The following AP3D1 variants were observed in gnomAD, a reference collection of about 807,000 sequenced individuals.
The protein encoded by AP3D1 is AP-3 complex subunit delta-1.
Under a neutral mutation model 147.6 loss-of-function variants are expected in AP3D1, and 51 were observed. The observed-to-expected ratio is 0.35, with a 90% CI of 0.28 to 0.44. The LOEUF is 0.44. AP3D1 is among the 20% of genes least tolerant of loss of function. The probability of loss-of-function intolerance (pLI) is 1.00; values close to 1 mark genes in which losing one functional copy is unlikely to be tolerated. For synonymous variants in AP3D1, 760 were observed against 663.0 expected, an observed-to-expected ratio of 1.15 and a Z score of -2.25; for missense variants, 1,421 against 1,624.2, an observed-to-expected ratio of 0.87 and a Z score of 2.15.
At position 2,121,721 on chromosome 19, in the gene AP3D1, A is replaced by G; in HGVS notation, c.1101+13T>C. 1 of 1,564,786 alleles carries G rather than the reference A, an allele frequency of 6.4e-7. No homozygotes were observed. Among genetic ancestry groups the G allele is most frequent in the Non-Finnish European group, 8.6e-7 (1 of 1,158,024 alleles). On this transcript the variant is annotated intron_variant, in intron 12 of 31. Coordinates refer to ENST00000643116, the MANE Select transcript of AP3D1 (RefSeq NM_001261826.3). ...AAGGCCAGGCGGGCGGGCGGCGGACAGAGGGCACGCACCATCCCATAGAGC... is the reference window on the plus strand; with the variant it reads ...AAGGCCAGGCGGGCGGGCGGCGGACGGAGGGCACGCACCATCCCATAGAGC...
At chr19:2,149,025 G>A (rs2019436680) in intron 1 of AP3D1, among the ~76,000 whole-genome samples, 2 of 152,080 alleles carry the variant, frequency 1.3e-5, no homozygotes, top group Admixed American at 1.3e-4. Context: ...AACTGTCATT[G>A]AACAGTCATT....
intron 16 of AP3D1, 181 bp downstream of exon 16, chr19:2,117,041 C>A: frequency 1.1e-6 from 1 of 880,392 alleles, no homozygotes; most frequent in Non-Finnish European, 1.7e-6. Flanking sequence ...AGGCAGAAGC[C>A]AGATCCCAGA....
chr19:2,121,323 T>C lies in AP3D1; in HGVS notation c.1102-12A>G, dbSNP rs764405551. On this transcript the variant is annotated splice_polypyrimidine_tract_variant and intron_variant, in intron 12 of 31. Transcript: ENST00000643116. The stretch of plus-strand genomic sequence containing the variant: ...TTCTTCTTGGACACCTGGGCAAAAG[T>C]GTACAGACAGTGGTGAGAGCGGACC... 6.2e-7 allele frequency: 1 copy of C among 1,613,924 alleles called. No homozygotes were observed. The highest frequency in any genetic ancestry group is 1.7e-5 in the Admixed American group (1 of 60,016).
intron 29 of AP3D1, chr19:2,109,524 C>T (rs746146032): frequency 1.4e-4 from 69 of 483,012 alleles, no homozygotes; most frequent in South Asian, 5.0e-4. Context: ...ACGCAGAGGA[C>T]GGCCTGTGAG....
Position 2,116,885 on chromosome 19 carries a change from G to A in AP3D1, c.1860-139C>T, listed in dbSNP as rs548192137. On this transcript the variant is annotated intron_variant, in intron 16 of 31. Transcript: ENST00000643116. ...GGCCTGCCACCCACACAGGGCCAGCGAGGCAGGTGTCACTGCCCCTTAAGA... is the reference window on the plus strand; with the variant it reads ...GGCCTGCCACCCACACAGGGCCAGCAAGGCAGGTGTCACTGCCCCTTAAGA... 24 of 1,189,044 alleles carry A rather than the reference G, an allele frequency of 2.0e-5. No individual in the cohort carries two copies. In the Admixed American group the frequency reaches 4.3e-4, roughly 22 times the overall value. The allele number at this position is 1,189,044 out of a possible 1,614,324, so 73.7% of individuals were successfully genotyped here.
Position 2,112,919 on chromosome 19 carries a change from C to T in AP3D1, c.2728G>A (p.Asp910Asn), listed in dbSNP as rs913034902. ...TCGCCCTGCGCCTCCGTCTTGGCGT[C>T]CTCACACTCGTCCTTCGGGGTAGTG... is the stretch of plus-strand genomic sequence containing the variant. Reference protein sequence around the residue: ...TVTTPKDECEDAKTEAQGEED... With the variant: ...TVTTPKDECENAKTEAQGEED... Residue 910 changes from aspartate to asparagine, a missense_variant, in exon 24 of 32, where the codon GAC becomes AAC. Around this residue, in one of 6 missense-constraint regions of AP3D1, gnomAD observed 791 missense variants for 761.4 expected, o/e 1.04. Coordinates refer to ENST00000643116, the MANE Select transcript of AP3D1 (RefSeq NM_001261826.3). 1.2e-6 allele frequency: 2 copies of T among 1,613,316 alleles called. No homozygotes were observed. Among genetic ancestry groups the T allele is most frequent in the African/African-American group, 2.7e-5 (2 of 74,938 alleles).
At chr19:2,159,221 CTT>C (rs1226347011) in intron 1 of AP3D1, among the ~76,000 whole-genome samples, 12 of 139,528 alleles carry the variant, frequency 8.6e-5, no homozygotes, top group Non-Finnish European at 9.4e-5. Flanking sequence ...ATCTCTCTCT[CTT>C]TTTTTTTTTT....
At chr19:2,119,036 G>C (rs1381771140) in intron 14 of AP3D1, among the ~76,000 whole-genome samples, 1 of 152,246 alleles carries the variant, frequency 6.6e-6, no homozygotes, top group Non-Finnish European at 1.5e-5. Flanking sequence ...AGGCAGAGAT[G>C]TGGAGATGAC....
chr19:2,135,428 C>G (rs1420808171), intron 4 of AP3D1, among the ~76,000 whole-genome samples: 1 of 150,810 alleles, frequency 6.6e-6, no homozygotes, highest in African/African-American at 2.4e-5. Flanking sequence ...TCCAGCTACT[C>G]GGGAGGCTGA....
At chr19:2,111,077 G>GTCC in intron 26 of AP3D1, 181 bp from the exon 27 acceptor site, 1 of 910,452 alleles carries the variant, frequency 1.1e-6, no homozygotes, top group East Asian at 2.6e-5. Context: ...AGTGCATGGC[G>GTCC]GGGACCCTCC....
chr19:2,150,031 T>C (rs1452769547), intron 1 of AP3D1, among the ~76,000 whole-genome samples: 3 of 152,048 alleles, frequency 2.0e-5, no homozygotes, highest in Non-Finnish European at 4.4e-5. Context: ...AGAACAAAAA[T>C]GACCTCATTA....
chr19:2,109,920 C>T lies in AP3D1; in HGVS notation c.3303G>A (p.Arg1101=). ...AGTAGGAGCTGCAGCTGAAGTGCAG[C>T]CTGAAGTCCAGCTTCTCGTGGGTCG... ...EGATHEKLDF[R]LHFSCSSYLI... The change falls in exon 29 of 32, where the codon AGG becomes AGA. Residue 1101 remains arginine, a synonymous_variant. Coordinates refer to ENST00000643116, the MANE Select transcript of AP3D1 (RefSeq NM_001261826.3). The T allele has an allele frequency of 6.2e-7, 1 of 1,613,750 alleles. No homozygotes were observed. Among genetic ancestry groups the T allele is most frequent in the Non-Finnish European group, 8.5e-7 (1 of 1,179,998 alleles).
Position 2,151,321 on chromosome 19 carries a change from A to G in AP3D1, c.14T>C (p.Met5Thr). 1 of 1,594,844 alleles carries G rather than the reference A, an allele frequency of 6.3e-7. No individual in the cohort carries two copies. The highest frequency in any genetic ancestry group is 8.5e-7 in the Non-Finnish European group (1 of 1,170,686). MALK[M>T]VKGSIDRMFD... ...CATGCGGTCGATGCTGCCCTTCACC[A>G]TCTTGAGGGCCATCGCGGCGGCCCA... Residue 5 changes from methionine to threonine, a missense_variant, in exon 1 of 32, where the codon ATG (methionine) becomes ACG (threonine). Coordinates refer to ENST00000643116, the MANE Select transcript of AP3D1 (RefSeq NM_001261826.3).
intron 4 of AP3D1, among the ~76,000 whole-genome samples, chr19:2,134,781 AG>A (rs1346861677): frequency 6.6e-6 from 1 of 150,990 alleles, no homozygotes; most frequent in Non-Finnish European, 1.5e-5. Flanking sequence ...TTGTATTTTT[AG>A]TACAGACGGG....
chr19:2,142,292 G>A (rs1023190166), intron 1 of AP3D1, among the ~76,000 whole-genome samples: 7 of 151,550 alleles, frequency 4.6e-5, no homozygotes, highest in Admixed American at 2.0e-4. Context: ...GGATTTACAG[G>A]TGTGAGCTAC....
intron 12 of AP3D1, 99 bp downstream of exon 12, chr19:2,121,635 G>A: frequency 2.1e-6 from 3 of 1,448,902 alleles, no homozygotes; most frequent in Non-Finnish European, 2.7e-6. Context: ...GGCCGAGTGT[G>A]AGGGGACTCC....
chr19:2,108,149 T>G (rs1213582772), intron 31 of AP3D1, among the ~76,000 whole-genome samples: 3 of 152,136 alleles, frequency 2.0e-5, no homozygotes, highest in Non-Finnish European at 2.9e-5. Flanking sequence ...ACTGCACGTC[T>G]GATGAAGCCA....
Position 2,135,229 on chromosome 19 carries a change from AAAAAT to A in AP3D1, c.354+1777_354+1781del, listed in dbSNP as rs545761654. Among the ~76,000 whole-genome samples the A allele has an allele frequency of 1.7e-3, 262 of 151,682 alleles. 3 individuals are homozygous for A. The highest frequency in any genetic ancestry group is 5.3e-3 in the African/African-American group (218 of 41,354). On this transcript the variant is annotated intron_variant, in intron 4 of 31. Coordinates refer to ENST00000643116, the MANE Select transcript of AP3D1 (RefSeq NM_001261826.3). ...AACAAAATAAAACAAAACAAAACAA[AAAAAT>A]AAAATAAAAAACAAAATGAGGCCAG...
At position 2,101,771 on chromosome 19, in the gene AP3D1, C is replaced by T. The variant is rs538197629; in HGVS notation, c.*402G>A. The T allele has an allele frequency of 8.4e-4, 144 of 171,300 alleles. No individual in the cohort carries two copies. Among genetic ancestry groups the T allele is most frequent in the African/African-American group, 3.3e-3 (140 of 42,044 alleles). The allele number at this position is 171,300 out of a possible 1,614,324, so 10.6% of individuals were successfully genotyped here. A position where few individuals can be genotyped will look rare whatever the true frequency, so the allele number is the denominator to read the frequency against. ...TCAGGACCTTTGGGTCAAAAGCAGG[C>T]GACCCCAGAGGAGGCCACGTCAGCC... On this transcript the variant is annotated 3_prime_UTR_variant, in exon 32 of 32. Transcript: ENST00000643116.
Sources: gnomAD v4.1 joint callset for allele counts (sites outside exome capture counted in the v4.1 genomes callset) on GRCh38, gnomAD v4.1.1 for gene constraint, gnomAD v4.1.1 regional missense constraint, MANE v1.5 for transcripts, NCBI Gene and HGNC (gene_info 2026-07-23, HGNC 2026-07-21) for gene names.